OCA2: variants seen among roughly 807,000 people sequenced by gnomAD.
The protein encoded by OCA2 is OCA2 melanosomal transmembrane protein, also known as P protein.
In OCA2, 77 loss-of-function variants were observed where a neutral mutation model predicts 100.2. The observed-to-expected ratio is 0.77, with a 90% CI of 0.64 to 0.93. OCA2 has a LOEUF of 0.93. OCA2 is among the 40% of genes least tolerant of loss of function. The probability of loss-of-function intolerance (pLI) is 0.00; values close to 1 mark genes in which losing one functional copy is unlikely to be tolerated. For synonymous variants in OCA2, 432 were observed against 439.2 expected, an observed-to-expected ratio of 0.98 and a Z score of 0.21; for missense variants, 1,062 against 1,089.1, an observed-to-expected ratio of 0.98 and a Z score of 0.35.
chr15:27,830,572 G>A (rs1037999833), intron 23 of OCA2, among the ~76,000 whole-genome samples: 6 of 152,134 alleles, frequency 3.9e-5, no homozygotes, highest in Admixed American at 3.3e-4. Context: ...AAGGCCAAAA[G>A]TCTCTTTTCT....
rs1329009440 is a variant in OCA2 at position 28,020,913 on chromosome 15, G to A, written c.646+1588C>T. On this transcript the variant is annotated intron_variant, in intron 6 of 23. Coordinates refer to ENST00000354638, the MANE Select transcript of OCA2 (RefSeq NM_000275.3). ...TCTGGAAGGCTGCTGGTGCCCTGCT[G>A]GGTAGGTCACTGGCTAAGGAGAGGG... Among the ~76,000 whole-genome samples, 4 of 152,122 alleles carry A rather than the reference G, an allele frequency of 2.6e-5. No homozygotes were observed. In the East Asian group the frequency reaches 7.7e-4, roughly 29 times the overall value.
chr15:27,971,153 G>A (rs2040774938), intron 14 of OCA2, among the ~76,000 whole-genome samples: 1 of 151,966 alleles, frequency 6.6e-6, no homozygotes, highest in Non-Finnish European at 1.5e-5. Flanking sequence ...GGGAAAACGT[G>A]AAGAACGCCC....
At chr15:27,813,645 C>G (rs1264273291) in intron 23 of OCA2, among the ~76,000 whole-genome samples, 1 of 152,170 alleles carries the variant, frequency 6.6e-6, no homozygotes, top group South Asian at 2.1e-4. Flanking sequence ...AAGTATCCAT[C>G]GGATCACTCA....
chr15:28,019,498 C>G (rs968732150), intron 6 of OCA2, among the ~76,000 whole-genome samples: 1 of 152,140 alleles, frequency 6.6e-6, no homozygotes, highest in Non-Finnish European at 1.5e-5. Context: ...GAAATAGACC[C>G]TGCAACTACC....
At chr15:27,989,038 G>A (rs2041456493) in intron 11 of OCA2, among the ~76,000 whole-genome samples, 1 of 152,216 alleles carries the variant, frequency 6.6e-6, no homozygotes. Flanking sequence ...GGTCTGCTGA[G>A]GAACACGTGG....
rs1197408914 is a variant in OCA2 at position 27,983,607 on chromosome 15, G to A, written c.1365-124C>T. Reference sequence around the variant, plus strand: ...GAGGCGCGCACACACACACACCCCTGTGGGGAAGGCAGTGCTGGGGGGAAT... The same window carrying A: ...GAGGCGCGCACACACACACACCCCTATGGGGAAGGCAGTGCTGGGGGGAAT... On this transcript the variant is annotated intron_variant, in intron 13 of 23. Coordinates refer to ENST00000354638, the MANE Select transcript of OCA2 (RefSeq NM_000275.3). 7 of 1,019,100 alleles carry A rather than the reference G, an allele frequency of 6.9e-6. No homozygotes were observed. The African/African-American group carries it at 9.3e-5, about 14-fold the overall frequency. 63.1% of individuals were successfully genotyped at this position (1,019,100 alleles called of 1,614,324 possible). A position where few individuals can be genotyped will look rare whatever the true frequency, so the allele number is the denominator to read the frequency against.
intron 18 of OCA2, among the ~76,000 whole-genome samples, chr15:27,929,570 G>A (rs1365999267): frequency 6.6e-6 from 1 of 151,986 alleles, no homozygotes; most frequent in Non-Finnish European, 1.5e-5. Flanking sequence ...CTCTGACCCT[G>A]AGTTAAAGGT....
downstream of OCA2, among the ~76,000 whole-genome samples, chr15:27,752,814 C>T (rs536633799): frequency 2.6e-4 from 25 of 97,394 alleles, 2 homozygotes; most frequent in Admixed American, 1.9e-3. Flanking sequence ...CCCCCCCCCC[C>T]CCAGAGGCCC....
At chr15:27,801,297 G>A (rs2033593625) in intron 23 of OCA2, among the ~76,000 whole-genome samples, 1 of 152,008 alleles carries the variant, frequency 6.6e-6, no homozygotes. Context: ...AGACGTGGTG[G>A]TTCACCAACA....
intron 14 of OCA2, among the ~76,000 whole-genome samples, chr15:27,974,138 G>A (rs184884848): frequency 2.0e-5 from 3 of 152,106 alleles, no homozygotes; most frequent in Admixed American, 6.5e-5. Flanking sequence ...GACATAGTTT[G>A]ACTTCCTCTT....
intron 1 of OCA2, among the ~76,000 whole-genome samples, chr15:28,082,297 C>A (rs557143701): frequency 6.6e-6 from 1 of 152,230 alleles, no homozygotes; most frequent in African/African-American, 2.4e-5. Context: ...GCTACCCCAA[C>A]ACGCTGGACT....
At chr15:28,095,468 G>T (rs2141977435) in intron 1 of OCA2, among the ~76,000 whole-genome samples, 1 of 152,324 alleles carries the variant, frequency 6.6e-6, no homozygotes, top group African/African-American at 2.4e-5. Context: ...TGTAATCCCA[G>T]CAATTTGAAA....
chr15:27,750,533 C>A (rs951566386), downstream of OCA2, among the ~76,000 whole-genome samples: 2 of 152,200 alleles, frequency 1.3e-5, no homozygotes, highest in African/African-American at 4.8e-5. Flanking sequence ...CAGCTGTCCC[C>A]TAGCATTCCC....
At chr15:27,744,627 C>T in the OCA2 span, among the ~76,000 whole-genome samples, 10 of 152,176 alleles carry the variant, frequency 6.6e-5, no homozygotes, top group Non-Finnish European at 8.8e-5. Context: ...CAGGATTACC[C>T]GGGCCCCATG....
At chr15:27,942,222 ATAT>A (rs1452250994) in intron 18 of OCA2, among the ~76,000 whole-genome samples, 1 of 148,518 alleles carries the variant, frequency 6.7e-6, no homozygotes, top group African/African-American at 2.4e-5. Flanking sequence ...ATAATATATG[ATAT>A]TATATATGAT....
chr15:27,849,731 G>C (rs571792148), intron 22 of OCA2, among the ~76,000 whole-genome samples: 1 of 152,302 alleles, frequency 6.6e-6, no homozygotes, highest in South Asian at 2.1e-4. Context: ...TCTGCAGATG[G>C]ACGGTGGTGA....
intron 17 of OCA2, 114 bp downstream of exon 17, chr15:27,955,044 C>T (rs550444756): frequency 1.4e-5 from 12 of 834,878 alleles, no homozygotes; most frequent in Non-Finnish European, 2.5e-5. Flanking sequence ...TTGTGTATAA[C>T]CACAGAAATA....
intron 2 of OCA2, among the ~76,000 whole-genome samples, chr15:28,042,339 C>T (rs1232454868): frequency 6.6e-6 from 1 of 151,956 alleles, no homozygotes; most frequent in Admixed American, 6.6e-5. Flanking sequence ...TTTAAAAATG[C>T]CTTCGGGCCA....
chr15:28,038,439 A>G (rs542192502), intron 2 of OCA2, among the ~76,000 whole-genome samples: 1 of 152,262 alleles, frequency 6.6e-6, no homozygotes, highest in East Asian at 1.9e-4. Flanking sequence ...CGTAACACAG[A>G]AAAAATACAG....
Sources: allele counts gnomAD v4.1 joint callset (sites outside exome capture counted in the v4.1 genomes callset), GRCh38; gene constraint gnomAD v4.1.1; transcripts MANE v1.5; gene names NCBI Gene and HGNC (gene_info 2026-07-23, HGNC 2026-07-21).